Variants in MAP3K7 observed in about 807,000 individuals in gnomAD.
The protein encoded by MAP3K7 is TGF-beta activated kinase 1.
A neutral mutation model predicts 84.8 loss-of-function variants in MAP3K7; 21 were observed. The ratio of observed to expected loss-of-function variants is 0.25; its 90% CI spans 0.18 to 0.36. The LOEUF (loss-of-function observed/expected upper bound fraction) is 0.36, where lower values mean the gene tolerates loss of function less well. Among genes scored for constraint, MAP3K7 ranks in the 10% least tolerant of loss-of-function variants. MAP3K7 has a pLI of 1.00. For missense variants in MAP3K7, 503 were observed against 747.7 expected, an observed-to-expected ratio of 0.67 and a Z score of 3.82; for synonymous variants, 241 against 247.7, an observed-to-expected ratio of 0.97 and a Z score of 0.25.
rs946592692 is a variant in MAP3K7, at chr6:90,516,156, C to T, written c.*345G>A. On this transcript the variant is annotated 3_prime_UTR_variant, in exon 17 of 17. Coordinates refer to ENST00000369329, the MANE Select transcript of MAP3K7 (RefSeq NM_145331.3). ...TCCACCTCTAATATGAAAAAATGGA[C>T]GCTGTTTGCACATAGCAGCTAGTTT... 4.0e-5 allele frequency: 9 copies of T among 225,294 alleles called. No individual in the cohort carries two copies. Among genetic ancestry groups the T allele is most frequent in the East Asian group, 2.3e-4 (2 of 8,604 alleles). The allele number at this position is 225,294 out of a possible 1,614,324, so 14.0% of individuals were successfully genotyped here.
At chr6:90,531,588 TACA>T (rs1775506091) in intron 13 of MAP3K7, among the ~76,000 whole-genome samples, 1 of 152,178 alleles carries the variant, frequency 6.6e-6, no homozygotes, top group Non-Finnish European at 1.5e-5. Flanking sequence ...TTGGCTTCAC[TACA>T]GTTTTTCATA....
intron 1 of MAP3K7, among the ~76,000 whole-genome samples, chr6:90,578,944 G>A (rs1483985019): frequency 4.6e-5 from 7 of 152,176 alleles, no homozygotes; most frequent in East Asian, 1.9e-4. Context: ...TGGAGTTTGA[G>A]TGTCACCATA....
chr6:90,560,519 G>A (rs894529610), intron 4 of MAP3K7, among the ~76,000 whole-genome samples: 3 of 151,984 alleles, frequency 2.0e-5, no homozygotes, highest in Non-Finnish European at 2.9e-5. Context: ...GTGCCACCAC[G>A]CCCAGCTAAT....
chr6:90,539,885 T>C (rs1775801904), intron 12 of MAP3K7, among the ~76,000 whole-genome samples: 1 of 151,900 alleles, frequency 6.6e-6, no homozygotes, highest in African/African-American at 2.4e-5. Context: ...TTTGGGCCTC[T>C]CTACATTCTA....
chr6:90,561,423 T>C (rs1776510529), intron 4 of MAP3K7, among the ~76,000 whole-genome samples, 199 bp downstream of exon 4: 1 of 152,176 alleles, frequency 6.6e-6, no homozygotes, highest in Non-Finnish European at 1.5e-5. Context: ...ACTTAAAAAA[T>C]TGATAGACCT....
At chr6:90,560,255 T>C (rs768542839) in intron 4 of MAP3K7, 41 bp from the exon 5 acceptor site, 1 of 1,610,472 alleles carries the variant, frequency 6.2e-7, no homozygotes, top group African/African-American at 1.3e-5. Flanking sequence ...CTTTATTGCA[T>C]ATAACAAAAG....
Position 90,587,031 on chromosome 6 carries a change from G to A in MAP3K7, c.-148C>T, listed in dbSNP as rs2127788898. ...ATCCGTGGCGGGGGTAGAGGCAGCG[G>A]CCACAGCCGTGTCCGGCTCTGGCTC... On this transcript the variant is annotated 5_prime_UTR_variant, in exon 1 of 17. Transcript: ENST00000369329. 1.0e-6 allele frequency: 1 copy of A among 955,354 alleles called. No individual in the cohort carries two copies. Among genetic ancestry groups the A allele is most frequent in the Middle Eastern group, 3.5e-4 (1 of 2,884 alleles). The allele number at this position is 955,354 out of a possible 1,614,324, so 59.2% of individuals were successfully genotyped here. A position where few individuals can be genotyped will look rare whatever the true frequency, so the allele number is the denominator to read the frequency against.
At chr6:90,559,963 G>A in intron 5 of MAP3K7, 113 bp downstream of exon 5, 1 of 1,199,024 alleles carries the variant, frequency 8.3e-7, no homozygotes. Context: ...GCCAAATAGA[G>A]AAAAGAGAAA....
intron 12 of MAP3K7, among the ~76,000 whole-genome samples, chr6:90,537,797 C>T (rs530860293): frequency 1.5e-4 from 23 of 151,916 alleles, no homozygotes; most frequent in South Asian, 2.1e-4. Flanking sequence ...TCCCCACAAC[C>T]GTGACTAATA....
rs1449288870 is a variant in MAP3K7, at chr6:90,513,982, A to ATT, written c.*2518_*2519insAA. 2.6e-5 allele frequency: 4 copies of ATT among 152,072 alleles called. No individual in the cohort carries two copies. The highest frequency in any genetic ancestry group is 7.2e-5 in the African/African-American group (3 of 41,426). 9.4% of individuals were successfully genotyped at this position (152,072 alleles called of 1,614,324 possible). A position where few individuals can be genotyped will look rare whatever the true frequency, so the allele number is the denominator to read the frequency against. On this transcript the variant is annotated 3_prime_UTR_variant, in exon 17 of 17. Transcript: ENST00000369329. ...TAACTGATTATTATTCAACTCAAAAAAGTGATTTTTATTGCTCACGAATAC... is the reference window on the plus strand; with the variant it reads ...TAACTGATTATTATTCAACTCAAAAATTAGTGATTTTTATTGCTCACGAATAC...
At chr6:90,572,938 C>T (rs964915132) in intron 1 of MAP3K7, among the ~76,000 whole-genome samples, 1 of 152,208 alleles carries the variant, frequency 6.6e-6, no homozygotes, top group Admixed American at 6.5e-5. Flanking sequence ...AATCTCTCAG[C>T]TTCCAATGAA....
chr6:90,566,287 T>C (rs551070486), intron 3 of MAP3K7, among the ~76,000 whole-genome samples: 70 of 152,336 alleles, frequency 4.6e-4, no homozygotes, highest in African/African-American at 1.6e-3. Flanking sequence ...CGTTTGCAGA[T>C]GACATCATTG....
chr6:90,559,614 T>A (rs468155), intron 5 of MAP3K7, among the ~76,000 whole-genome samples: 51,882 of 151,812 alleles, frequency 0.34, 8,992 homozygotes, highest in South Asian at 0.42. Context: ...CAGAATATTT[T>A]CAATTTCTAC....
chr6:90,518,640 C>T, intron 15 of MAP3K7, 78 bp from the exon 16 acceptor site: 1 of 755,902 alleles, frequency 1.3e-6, no homozygotes, highest in Non-Finnish European at 2.3e-6. Context: ...AAGACAGAGA[C>T]TGTGATATAT....
intron 12 of MAP3K7, among the ~76,000 whole-genome samples, chr6:90,540,809 G>C (rs1562088517): frequency 6.6e-6 from 1 of 151,792 alleles, no homozygotes; most frequent in Non-Finnish European, 1.5e-5. Context: ...ACTGAAAAAG[G>C]TTGTTCCTCT....
At chr6:90,586,479 G>C (rs1408360550) in intron 1 of MAP3K7, among the ~76,000 whole-genome samples, 1 of 151,938 alleles carries the variant, frequency 6.6e-6, no homozygotes. Flanking sequence ...TACGAGAACT[G>C]GTGGACCACA....
chr6:90,547,946 A>C lies in MAP3K7; in HGVS notation c.1080+101T>G. 3 of 977,190 alleles carry C rather than the reference A, an allele frequency of 3.1e-6. No homozygotes were observed. The South Asian group carries it at 6.9e-5, about 22-fold the overall frequency. The allele number at this position is 977,190 out of a possible 1,614,324, so 60.5% of individuals were successfully genotyped here. A position where few individuals can be genotyped will look rare whatever the true frequency, so the allele number is the denominator to read the frequency against. ...TTTGCATGTTTCAGGAAGAAAATTC[A>C]GGATTTATAAAATAGAAGATGGTAA... On this transcript the variant is annotated intron_variant, in intron 10 of 16. Transcript: ENST00000369329.
chr6:90,537,235 T>A (rs967939756), intron 12 of MAP3K7: 1 of 151,986 alleles, frequency 6.6e-6, no homozygotes, highest in African/African-American at 2.4e-5. Flanking sequence ...ACCAAAATAC[T>A]GAGTAACAGC....
At chr6:90,519,104 A>G (rs908005015) in intron 15 of MAP3K7, among the ~76,000 whole-genome samples, 154 bp downstream of exon 15, 20 of 151,978 alleles carry the variant, frequency 1.3e-4, no homozygotes, top group African/African-American at 4.6e-4. Flanking sequence ...CTTAACCAAA[A>G]GAATTATTTT....
Sources: gnomAD v4.1 joint callset for allele counts (sites outside exome capture counted in the v4.1 genomes callset) on GRCh38, gnomAD v4.1.1 for gene constraint, MANE v1.5 for transcripts, NCBI Gene and HGNC (gene_info 2026-07-23, HGNC 2026-07-21) for gene names.